OXR1: variants seen among roughly 807,000 people sequenced by gnomAD.
OXR1 encodes oxidation resistance protein 1.
Under a neutral mutation model 104.6 loss-of-function variants are expected in OXR1, and 41 were observed. The observed-to-expected ratio is 0.39, with a 90% CI of 0.31 to 0.51. The LOEUF (loss-of-function observed/expected upper bound fraction) is 0.51, where lower values mean the gene tolerates loss of function less well. OXR1 is among the 20% of genes least tolerant of loss of function. The probability of loss-of-function intolerance (pLI) is 0.77; values close to 1 mark genes in which losing one functional copy is unlikely to be tolerated. For synonymous variants in OXR1, 348 were observed against 348.4 expected (o/e 1.00, Z 0.01); for missense variants, 955 against 1,031.9 (o/e 0.93, Z 1.02).
chr8:106,476,522 C>T (rs554940968), intron 2 of OXR1, among the ~76,000 whole-genome samples: 53 of 151,996 alleles, frequency 3.5e-4, no homozygotes, highest in African/African-American at 1.2e-3. Flanking sequence ...TAGAGTTAGC[C>T]TAACCCTTCC....
At chr8:106,551,036 C>T (rs995576825) in intron 3 of OXR1, among the ~76,000 whole-genome samples, 2 of 152,182 alleles carry the variant, frequency 1.3e-5, no homozygotes, top group Non-Finnish European at 1.5e-5. Context: ...TCCTCTGAAA[C>T]GTACTCCCAG....
chr8:106,596,024 T>C (rs1369475544), intron 3 of OXR1, among the ~76,000 whole-genome samples: 2 of 152,230 alleles, frequency 1.3e-5, no homozygotes, highest in Non-Finnish European at 2.9e-5. Flanking sequence ...TTTTTAAATA[T>C]AAATTTTAGC....
intron 7 of OXR1, among the ~76,000 whole-genome samples, chr8:106,694,664 A>G (rs1829701400): frequency 9.0e-6 from 1 of 111,228 alleles, no homozygotes; most frequent in Non-Finnish European, 1.6e-5. Flanking sequence ...ATATATAAAT[A>G]TATGTTTATA....
intron 3 of OXR1, among the ~76,000 whole-genome samples, chr8:106,578,472 G>A (rs538692808): frequency 3.3e-5 from 5 of 152,268 alleles, no homozygotes; most frequent in African/African-American, 1.2e-4. Context: ...TGGTAACTCC[G>A]ATAGAAGCTA....
At chr8:106,716,222 G>T (rs903184578) in intron 11 of OXR1, among the ~76,000 whole-genome samples, 25 of 152,216 alleles carry the variant, frequency 1.6e-4, no homozygotes, top group African/African-American at 5.8e-4. Flanking sequence ...TGCCTGAATT[G>T]AGATGTGCTG....
chr8:106,629,613 G>C (rs534097708), intron 3 of OXR1, among the ~76,000 whole-genome samples: 2 of 152,062 alleles, frequency 1.3e-5, no homozygotes, highest in African/African-American at 2.4e-5. Flanking sequence ...TATGCTATTG[G>C]TTATTATGTA....
chr8:106,303,004 T>C (rs58854497), intron 1 of OXR1, among the ~76,000 whole-genome samples: 33,415 of 151,758 alleles, frequency 0.22, 5,450 homozygotes, highest in African/African-American at 0.46. Flanking sequence ...CCATCCGCCT[T>C]GGCCTCCCAA....
At chr8:106,557,415 T>C (rs887847464) in intron 3 of OXR1, among the ~76,000 whole-genome samples, 5 of 152,196 alleles carry the variant, frequency 3.3e-5, no homozygotes, top group African/African-American at 9.6e-5. Context: ...GACTAAAGTT[T>C]TTCCTCAATA....
At chr8:106,567,341 C>T (rs7826722) in intron 3 of OXR1, among the ~76,000 whole-genome samples, 4,720 of 152,174 alleles carry the variant, frequency 0.031, 132 homozygotes, top group African/African-American at 0.073. Flanking sequence ...GATTACTCAT[C>T]GCTTCACCAG....
At chr8:106,529,510 A>AG (rs1191193102) in intron 3 of OXR1, among the ~76,000 whole-genome samples, 1 of 152,208 alleles carries the variant, frequency 6.6e-6, no homozygotes, top group Non-Finnish European at 1.5e-5. Flanking sequence ...TCTCAGAATG[A>AG]GAAAAAATAT....
intron 3 of OXR1, among the ~76,000 whole-genome samples, chr8:106,553,207 T>TAATAAAATAA (rs143312498): frequency 1.2e-3 from 184 of 149,510 alleles, no homozygotes; most frequent in East Asian, 4.7e-3. Context: ...AGTACAGTAA[T>TAATAAAATAA]AATAAAATAA....
At chr8:106,739,720 C>CA (rs1834755327) in intron 13 of OXR1, 137 bp downstream of exon 13, 1 of 714,150 alleles carries the variant, frequency 1.4e-6, no homozygotes, top group South Asian at 2.1e-5. Flanking sequence ...AAAGAGTAAG[C>CA]AAAACATAGC....
chr8:106,501,896 A>G (rs2129955205), intron 2 of OXR1, among the ~76,000 whole-genome samples: 1 of 152,286 alleles, frequency 6.6e-6, no homozygotes, highest in South Asian at 2.1e-4. Context: ...ATTAACATAA[A>G]CTGACTAAAG....
intron 3 of OXR1, among the ~76,000 whole-genome samples, chr8:106,544,796 A>T (rs1177730168): frequency 6.6e-6 from 1 of 151,958 alleles, no homozygotes; most frequent in East Asian, 1.9e-4. Flanking sequence ...TATTTAATTA[A>T]TTTTTTTTGT....
chr8:106,293,589 A>T (rs1812847094), intron 1 of OXR1, among the ~76,000 whole-genome samples: 1 of 152,188 alleles, frequency 6.6e-6, no homozygotes, highest in South Asian at 2.1e-4. Context: ...AGAATATCTG[A>T]GACTGGATAA....
At chr8:106,561,759 A>G (rs1371398686) in intron 3 of OXR1, among the ~76,000 whole-genome samples, 1 of 152,188 alleles carries the variant, frequency 6.6e-6, no homozygotes, top group Non-Finnish European at 1.5e-5. Flanking sequence ...CCCCTCTGGG[A>G]CGAAGCTTCC....
chr8:106,404,719 T>C (rs1027716291), intron 2 of OXR1, among the ~76,000 whole-genome samples: 5 of 152,102 alleles, frequency 3.3e-5, no homozygotes, highest in Non-Finnish European at 5.9e-5. Context: ...GCTTATTTTT[T>C]TTTTGAGACA....
intron 3 of OXR1, among the ~76,000 whole-genome samples, chr8:106,576,807 T>C (rs972676923): frequency 3.3e-5 from 5 of 152,150 alleles, no homozygotes; most frequent in Admixed American, 6.6e-5. Context: ...TCATGCTGTG[T>C]AAATACTGAA....
chr8:106,553,320 CTTTTTTTTTTTTT>C (rs5893797), intron 3 of OXR1, among the ~76,000 whole-genome samples: 1 of 142,888 alleles, frequency 7.0e-6, no homozygotes, highest in Non-Finnish European at 1.5e-5. Context: ...CAATTTTCTT[CTTTTTTTTTTTTT>C]TTCCAGACAG....
Sources: allele counts gnomAD v4.1 joint callset (sites outside exome capture counted in the v4.1 genomes callset), GRCh38; gene constraint gnomAD v4.1.1; transcripts MANE v1.5; gene names NCBI Gene and HGNC (gene_info 2026-07-23, HGNC 2026-07-21).